The following UHRF2 variants were observed in gnomAD, a reference collection of about 807,000 sequenced individuals.
The protein encoded by UHRF2 is E3 ubiquitin-protein ligase UHRF2.
A neutral mutation model predicts 96.8 loss-of-function variants in UHRF2; 23 were observed. That is an observed-to-expected ratio of 0.24 (90% CI 0.17 to 0.34). UHRF2 has a LOEUF of 0.34. UHRF2 is among the 10% of genes least tolerant of loss of function. The pLI, the probability that UHRF2 is intolerant of heterozygous loss-of-function variation, is 1.00. For synonymous variants in UHRF2, 385 were observed against 332.6 expected (o/e 1.16, Z -1.72); for missense variants, 685 against 981.5 (o/e 0.70, Z 4.04).
At chr9:6,452,934 C>T (rs937873216) in intron 3 of UHRF2, among the ~76,000 whole-genome samples, 6 of 152,032 alleles carry the variant, frequency 3.9e-5, no homozygotes, top group African/African-American at 9.7e-5. Context: ...AACATTTGAG[C>T]GCATAATAGG....
chr9:6,445,999 T>TTTTTTTTTCTTCC (rs1821475304), intron 3 of UHRF2, among the ~76,000 whole-genome samples: 1 of 139,574 alleles, frequency 7.2e-6, no homozygotes, highest in African/African-American at 2.6e-5. Flanking sequence ...TTTTTTTTTT[T>TTTTTTTTTCTTCC]TCCTGTTTTT....
chr9:6,496,442 T>C (rs1229703098), intron 10 of UHRF2: 1 of 152,206 alleles, frequency 6.6e-6, no homozygotes. Flanking sequence ...AATAAGCTCA[T>C]TGATTTACTA....
chr9:6,452,382 G>A (rs1445040489), intron 3 of UHRF2, among the ~76,000 whole-genome samples: 1 of 152,144 alleles, frequency 6.6e-6, no homozygotes, highest in Admixed American at 6.5e-5. Flanking sequence ...TCTAAGAGGG[G>A]AAAATACCAC....
In UHRF2 at chr9:6,425,753, T is replaced by A. The variant is rs565786302; in HGVS notation, c.384+4611T>A. On this transcript the variant is annotated intron_variant, in intron 2 of 15. Transcript: ENST00000276893. Reference sequence around the variant, plus strand: ...ACTCCAAGCCTGGGTGAGTGAGACTTCGTCTCAAAGTAAATAAATTAAAAA... The same window carrying A: ...ACTCCAAGCCTGGGTGAGTGAGACTACGTCTCAAAGTAAATAAATTAAAAA... Among the ~76,000 whole-genome samples, 43 of 141,468 alleles carry A rather than the reference T, an allele frequency of 3.0e-4. 1 individual carries two copies. The highest frequency in any genetic ancestry group is 1.1e-3 in the African/African-American group (42 of 37,442). The allele number at this position is 141,468 out of a possible 152,430, so 92.8% of individuals were successfully genotyped here. A position where few individuals can be genotyped will look rare whatever the true frequency, so the allele number is the denominator to read the frequency against.
chr9:6,426,679 C>T (rs1820277978), intron 2 of UHRF2, among the ~76,000 whole-genome samples: 1 of 152,148 alleles, frequency 6.6e-6, no homozygotes, highest in African/African-American at 2.4e-5. Flanking sequence ...GAATTTTTAT[C>T]ACATACTGAC....
At position 6,504,560 on chromosome 9, in the gene UHRF2, CT is replaced by C. The variant is rs776525231; in HGVS notation, c.2164-29del. On this transcript the variant is annotated intron_variant, in intron 14 of 15. Transcript: ENST00000276893. ...TTATTAGCATATTATGAACTGCTAA[CT>C]TTTCTTTCCTTATCCTTGGATACTG... The C allele has an allele frequency of 3.9e-6, 6 of 1,531,562 alleles. No individual in the cohort carries two copies. The East Asian group carries it at 1.4e-4, about 35-fold the overall frequency. 94.9% of individuals were successfully genotyped at this position (1,531,562 alleles called of 1,614,324 possible).
rs568059494 is a variant in UHRF2 at position 6,439,841 on chromosome 9, T to C, written c.644+5668T>C. 8.4e-4 allele frequency among the ~76,000 whole-genome samples: 128 copies of C among 152,278 alleles called. 4 individuals are homozygous for C. In the South Asian group the frequency reaches 0.025, roughly 30 times the overall value. On this transcript the variant is annotated intron_variant, in intron 3 of 15. Transcript: ENST00000276893. Reference sequence around the variant, plus strand: ...TTACTGGAGAGAGACTATACTTGAATGAAAACTCTTGTTTCTAGTGGTATT... The same window carrying C: ...TTACTGGAGAGAGACTATACTTGAACGAAAACTCTTGTTTCTAGTGGTATT...
intron 3 of UHRF2, among the ~76,000 whole-genome samples, chr9:6,434,841 G>T (rs941319778): frequency 7.2e-5 from 11 of 151,938 alleles, no homozygotes; most frequent in Non-Finnish European, 4.4e-5. Context: ...TGTATGTTTT[G>T]GGGGGTGGGG....
At chr9:6,480,863 G>T (rs1286713813) in intron 6 of UHRF2, among the ~76,000 whole-genome samples, 1 of 152,072 alleles carries the variant, frequency 6.6e-6, no homozygotes, top group Non-Finnish European at 1.5e-5. Flanking sequence ...TCTCATAATT[G>T]GATTGACTTG....
chr9:6,460,900 A>G, intron 4 of UHRF2, 109 bp downstream of exon 4: 2 of 864,810 alleles, frequency 2.3e-6, no homozygotes, highest in South Asian at 2.6e-5. Flanking sequence ...TCTATAAAAG[A>G]TGGAAATTTC....
At chr9:6,428,916 C>A (rs1820418852) in intron 2 of UHRF2, among the ~76,000 whole-genome samples, 1 of 152,080 alleles carries the variant, frequency 6.6e-6, no homozygotes, top group South Asian at 2.1e-4. Flanking sequence ...GTAATCCCAG[C>A]ACTTTGGGAG....
chr9:6,445,171 G>C (rs13293015), intron 3 of UHRF2, among the ~76,000 whole-genome samples: 4,638 of 148,142 alleles, frequency 0.031, 121 homozygotes, highest in Middle Eastern at 0.064. Flanking sequence ...TTGAATTCCA[G>C]GTCTTTAGTT....
Position 6,482,807 on chromosome 9 carries a change from A to G in UHRF2, c.1392+708A>G, listed in dbSNP as rs112813358. 6.7e-3 allele frequency among the ~76,000 whole-genome samples: 1,014 copies of G among 152,258 alleles called. 14 individuals are homozygous for G. Among genetic ancestry groups the G allele is most frequent in the African/African-American group, 0.023 (968 of 41,558 alleles). ...GAGACGAGGTTTCACCGTGTTAGCC[A>G]GGATGGTCTCGATCTCCTAACCTCG... On this transcript the variant is annotated intron_variant, in intron 8 of 15. Transcript: ENST00000276893.
At chr9:6,418,241 C>A (rs1032868653) in intron 1 of UHRF2, among the ~76,000 whole-genome samples, 1 of 143,058 alleles carries the variant, frequency 7.0e-6, no homozygotes, top group Non-Finnish European at 1.5e-5. Context: ...CACGGGAGTT[C>A]AAGACTAGAG....
At chr9:6,415,529 T>TA (rs1281329260) in intron 1 of UHRF2, 1 of 152,202 alleles carries the variant, frequency 6.6e-6, no homozygotes, top group African/African-American at 2.4e-5. Context: ...CTGTAGCAGG[T>TA]AACTACTGGA....
At chr9:6,450,793 G>A (rs1405759628) in intron 3 of UHRF2, among the ~76,000 whole-genome samples, 4 of 152,128 alleles carry the variant, frequency 2.6e-5, no homozygotes, top group Non-Finnish European at 4.4e-5. Context: ...GTTTTTGAAT[G>A]TTTCTTTGTG....
chr9:6,495,812 G>A (rs904657338), intron 10 of UHRF2: 1 of 152,230 alleles, frequency 6.6e-6, no homozygotes, highest in African/African-American at 2.4e-5. Context: ...CAGTAATTAT[G>A]ACTGAAGGTA....
chr9:6,425,873 A>G (rs1820228238), intron 2 of UHRF2, among the ~76,000 whole-genome samples: 2 of 152,212 alleles, frequency 1.3e-5, no homozygotes, highest in African/African-American at 4.8e-5. Context: ...AATAATACAT[A>G]TTTGTACTAA....
At chr9:6,495,675 C>T (rs1413006936) in intron 10 of UHRF2, 1 of 152,146 alleles carries the variant, frequency 6.6e-6, no homozygotes, top group Non-Finnish European at 1.5e-5. Context: ...GGCTGAGTGG[C>T]AGATAGATTA....
Sources: allele counts gnomAD v4.1 joint callset (sites outside exome capture counted in the v4.1 genomes callset), GRCh38; gene constraint gnomAD v4.1.1; transcripts MANE v1.5; gene names NCBI Gene and HGNC (gene_info 2026-07-23, HGNC 2026-07-21).